XKR9: variants seen among roughly 807,000 people sequenced by gnomAD.
XKR9 encodes the protein XK-related protein 9.
In XKR9, 32 loss-of-function variants were observed where a neutral mutation model predicts 32.0. The ratio of observed to expected loss-of-function variants is 1.00; its 90% CI spans 0.76 to 1.34. The LOEUF (loss-of-function observed/expected upper bound fraction) is 1.34, where lower values mean the gene tolerates loss of function less well. XKR9 is among the 40% of genes most tolerant of loss of function. XKR9 has a pLI of 0.00. For missense variants in XKR9, 546 were observed against 429.7 expected (o/e 1.27, Z -2.39); for synonymous variants, 168 against 143.4 (o/e 1.17, Z -1.22).
the XKR9 span, among the ~76,000 whole-genome samples, chr8:70,913,086 C>T: frequency 2.6e-5 from 4 of 152,102 alleles, no homozygotes; most frequent in African/African-American, 7.2e-5. Flanking sequence ...AATGGAAGAC[C>T]TATTGCATCA....
At chr8:70,803,686 C>T in the XKR9 span, among the ~76,000 whole-genome samples, 1 of 152,146 alleles carries the variant, frequency 6.6e-6, no homozygotes, top group Non-Finnish European at 1.5e-5. Flanking sequence ...TCTATTTTAG[C>T]CTGCTTCTGG....
the XKR9 span, among the ~76,000 whole-genome samples, chr8:70,860,856 A>G: frequency 6.6e-6 from 1 of 152,000 alleles, no homozygotes; most frequent in Non-Finnish European, 1.5e-5. Context: ...AGGTTTCTTC[A>G]ACTGTAAAGT....
the XKR9 span, among the ~76,000 whole-genome samples, chr8:70,856,880 A>G: frequency 6.6e-6 from 1 of 152,230 alleles, no homozygotes; most frequent in Non-Finnish European, 1.5e-5. Context: ...ACTACTGGGT[A>G]CATAACAAAA....
downstream of XKR9, among the ~76,000 whole-genome samples, chr8:70,794,266 AT>A (rs1018853817): frequency 1.3e-5 from 2 of 151,888 alleles, no homozygotes; most frequent in Non-Finnish European, 2.9e-5. Flanking sequence ...GTATTTTAGG[AT>A]TTTTACAGTT....
downstream of XKR9, among the ~76,000 whole-genome samples, chr8:70,739,252 T>C (rs1325851966): frequency 6.6e-6 from 1 of 152,210 alleles, no homozygotes. Context: ...TGATGTTTGT[T>C]GGTTTAAAGT....
chr8:70,793,781 A>G (rs1586901152), downstream of XKR9, among the ~76,000 whole-genome samples: 2 of 151,942 alleles, frequency 1.3e-5, no homozygotes, highest in East Asian at 3.9e-4. Flanking sequence ...AAAATTGGGA[A>G]GTGTGAGTTC....
At chr8:70,698,178 A>G (rs1226974848) in intron 3 of XKR9, among the ~76,000 whole-genome samples, 2 of 151,576 alleles carry the variant, frequency 1.3e-5, no homozygotes, top group Admixed American at 1.3e-4. Context: ...TTGTGTCTCT[A>G]TTTCCTTCAG....
At chr8:70,833,335 T>A in the XKR9 span, among the ~76,000 whole-genome samples, 1 of 152,218 alleles carries the variant, frequency 6.6e-6, no homozygotes, top group East Asian at 1.9e-4. Context: ...GCAATCACTA[T>A]GACAGACAGT....
the XKR9 span, among the ~76,000 whole-genome samples, chr8:71,035,874 A>G: frequency 6.6e-6 from 1 of 152,142 alleles, no homozygotes; most frequent in Non-Finnish European, 1.5e-5. Flanking sequence ...CCCTCATTCT[A>G]GAGGGATCCC....
At chr8:70,742,792 G>A (rs1807006791) in intron 2 of XKR9, among the ~76,000 whole-genome samples, 1 of 151,982 alleles carries the variant, frequency 6.6e-6, no homozygotes, top group Non-Finnish European at 1.5e-5. Context: ...ATTCCCCTGT[G>A]TGTAATTTGT....
chr8:70,676,261 G>A (rs1194825064), intron 2 of XKR9, among the ~76,000 whole-genome samples: 1 of 152,120 alleles, frequency 6.6e-6, no homozygotes. Context: ...AACCATGAGA[G>A]ATACACCCCT....
At chr8:70,774,598 G>A (rs1490169466) in intron 2 of XKR9, among the ~76,000 whole-genome samples, 1 of 152,114 alleles carries the variant, frequency 6.6e-6, no homozygotes, top group African/African-American at 2.4e-5. Flanking sequence ...TATGAGATAA[G>A]TGTTTAGTTT....
At chr8:70,690,915 G>A (rs1819491845) in intron 3 of XKR9, among the ~76,000 whole-genome samples, 1 of 151,768 alleles carries the variant, frequency 6.6e-6, no homozygotes, top group South Asian at 2.1e-4. Flanking sequence ...ATGGTAGAAT[G>A]CTCTGGGTAT....
chr8:70,878,554 AAG>A, the XKR9 span, among the ~76,000 whole-genome samples: 1 of 152,232 alleles, frequency 6.6e-6, no homozygotes. Flanking sequence ...AAAAGAGACA[AAG>A]AAGACCACTA....
the XKR9 span, among the ~76,000 whole-genome samples, chr8:70,926,678 G>A: frequency 2.6e-5 from 4 of 152,204 alleles, no homozygotes; most frequent in South Asian, 8.3e-4. Context: ...ATATGCACAG[G>A]TCACTTACTA....
chr8:70,676,025 T>G (rs1211326551), intron 2 of XKR9, among the ~76,000 whole-genome samples: 1 of 152,166 alleles, frequency 6.6e-6, no homozygotes, highest in East Asian at 1.9e-4. Context: ...ACTGGGTAAT[T>G]TATAAGAAAA....
the XKR9 span, among the ~76,000 whole-genome samples, chr8:71,046,516 G>A: frequency 2.0e-5 from 3 of 152,200 alleles, no homozygotes; most frequent in African/African-American, 7.2e-5. Context: ...ACCCTGTAAT[G>A]ATTCAGTAGG....
At chr8:70,673,703 T>C (rs1818792178) in intron 1 of XKR9, among the ~76,000 whole-genome samples, 1 of 151,936 alleles carries the variant, frequency 6.6e-6, no homozygotes, top group Admixed American at 6.6e-5. Flanking sequence ...AGGCGGAGGT[T>C]GCAGTGAGCT....
At chr8:71,054,047 C>T in the XKR9 span, among the ~76,000 whole-genome samples, 1 of 152,188 alleles carries the variant, frequency 6.6e-6, no homozygotes, top group Admixed American at 6.5e-5. Flanking sequence ...CATTCCAGCT[C>T]AGTTGAACCC....
Sources: allele counts gnomAD v4.1 joint callset (sites outside exome capture counted in the v4.1 genomes callset), GRCh38; gene constraint gnomAD v4.1.1; transcripts MANE v1.5; gene names NCBI Gene and HGNC (gene_info 2026-07-23, HGNC 2026-07-21).